AHCTF1: variants seen among roughly 807,000 people sequenced by gnomAD.
AHCTF1 encodes the protein protein ELYS.
Under a neutral mutation model 248.4 loss-of-function variants are expected in AHCTF1, and 24 were observed. The observed-to-expected ratio is 0.10, with a 90% CI of 0.07 to 0.14. The LOEUF (loss-of-function observed/expected upper bound fraction) is 0.14, where lower values mean the gene tolerates loss of function less well. AHCTF1 is among the 10% of genes least tolerant of loss of function. The probability of loss-of-function intolerance (pLI) is 1.00; values close to 1 mark genes in which losing one functional copy is unlikely to be tolerated. For missense variants in AHCTF1, 2,206 were observed against 2,636.2 expected, an observed-to-expected ratio of 0.84 and a Z score of 3.57; for synonymous variants, 786 against 929.8, an observed-to-expected ratio of 0.85 and a Z score of 2.81.
intron 1 of AHCTF1, among the ~76,000 whole-genome samples, chr1:246,922,633 A>C (rs1477498477): frequency 1.3e-4 from 20 of 151,252 alleles, no homozygotes; most frequent in Admixed American, 1.3e-3. Flanking sequence ...GGTTCCAGCA[A>C]TCCTCCTGCC....
chr1:246,843,684 TAAAC>T (rs1000079508), intron 34 of AHCTF1, 107 bp downstream of exon 34: 70 of 925,290 alleles, frequency 7.6e-5, no homozygotes, highest in South Asian at 1.7e-4. Flanking sequence ...ATTTAAATAA[TAAAC>T]AAAATTTAAA....
At position 246,881,017 on chromosome 1, in the gene AHCTF1, A is replaced by T. The variant is rs567251881; in HGVS notation, c.2661-3715T>A. On this transcript the variant is annotated intron_variant, in intron 21 of 35. Coordinates refer to ENST00000648844, the MANE Select transcript of AHCTF1 (RefSeq NM_001323342.2). Reference sequence around the variant, plus strand: ...ACCCATCCTGTGGCAAACTCTCTAAACATGCTAGACCAAATATAAATATGC... The same window carrying T: ...ACCCATCCTGTGGCAAACTCTCTAATCATGCTAGACCAAATATAAATATGC... Among the ~76,000 whole-genome samples the T allele has an allele frequency of 5.3e-5, 8 of 152,356 alleles. No individual in the cohort carries two copies. The East Asian group carries it at 1.5e-3, about 29-fold the overall frequency.
At chr1:246,901,577 T>C (rs1330845875) in intron 8 of AHCTF1, among the ~76,000 whole-genome samples, 1 of 151,970 alleles carries the variant, frequency 6.6e-6, no homozygotes, top group Non-Finnish European at 1.5e-5. Context: ...TGAGCTGAGA[T>C]CGTGCAACTG....
rs980068242 is a variant in AHCTF1 at position 246,861,023 on chromosome 1, C to T, written c.4008G>A (p.Thr1336=). 14 of 1,613,752 alleles carry T rather than the reference C, an allele frequency of 8.7e-6. No individual in the cohort carries two copies. The highest frequency in any genetic ancestry group is 2.7e-5 in the African/African-American group (2 of 74,882). ...TGGAAGAGCTTTTGGGCTTAGAGGC[C>T]GTGAAAACAGTCTCTTCAAGGTCTT... is the stretch of plus-strand genomic sequence containing the variant. ...SPEDLEETVF[T]ASKPKSSSTA... The change falls in exon 29 of 36, where the codon ACG becomes ACA. Residue 1336 remains threonine, a synonymous_variant. Coordinates refer to ENST00000648844, the MANE Select transcript of AHCTF1 (RefSeq NM_001323342.2).
chr1:246,872,306 G>A (rs1005964392), intron 24 of AHCTF1, among the ~76,000 whole-genome samples: 17 of 152,158 alleles, frequency 1.1e-4, no homozygotes, highest in African/African-American at 3.6e-4. Flanking sequence ...GGGGTGGCAC[G>A]CCAGGAAAAG....
chr1:246,888,303 T>G, intron 18 of AHCTF1, 70 bp from the exon 19 acceptor site: 3 of 1,612,318 alleles, frequency 1.9e-6, no homozygotes, highest in Non-Finnish European at 2.5e-6. Flanking sequence ...CTTCTTGTTT[T>G]CCCAAGTTTG....
chr1:246,918,518 A>G (rs1221591684), intron 1 of AHCTF1, 141 bp from the exon 2 acceptor site: 3 of 846,620 alleles, frequency 3.5e-6, no homozygotes, highest in East Asian at 6.1e-5. Flanking sequence ...CATATTGGCC[A>G]GATGCGGAGG....
chr1:246,884,535 TATAAAA>T (rs1295025886), intron 21 of AHCTF1, among the ~76,000 whole-genome samples: 2 of 152,152 alleles, frequency 1.3e-5, no homozygotes, highest in African/African-American at 4.8e-5. Context: ...GTAAAAGTGG[TATAAAA>T]TAAGTCTAGT....
chr1:246,896,218 T>C (rs556031325), intron 12 of AHCTF1, among the ~76,000 whole-genome samples: 2 of 152,036 alleles, frequency 1.3e-5, no homozygotes, highest in African/African-American at 2.4e-5. Context: ...CACACCTAGG[T>C]ATATACCAAA....
intron 5 of AHCTF1, among the ~76,000 whole-genome samples, chr1:246,905,889 G>A (rs1376846780): frequency 6.6e-6 from 1 of 152,190 alleles, no homozygotes; most frequent in Non-Finnish European, 1.5e-5. Context: ...CTCAGATGCA[G>A]TCAAGCGGAT....
intron 21 of AHCTF1, among the ~76,000 whole-genome samples, chr1:246,882,275 G>A (rs1663500610): frequency 6.6e-6 from 1 of 152,154 alleles, no homozygotes; most frequent in African/African-American, 2.4e-5. Flanking sequence ...GGGATTACAG[G>A]CATGAGCCAC....
chr1:246,918,527 G>C (rs999242600), intron 1 of AHCTF1, 150 bp from the exon 2 acceptor site: 1 of 778,602 alleles, frequency 1.3e-6, no homozygotes, highest in African/African-American at 1.8e-5. Context: ...CAGATGCGGA[G>C]GCTCACGCCT....
chr1:246,862,479 C>CAA (rs748209865), intron 27 of AHCTF1, among the ~76,000 whole-genome samples: 3 of 115,868 alleles, frequency 2.6e-5, no homozygotes, highest in Admixed American at 1.8e-4. Flanking sequence ...GACTCCGTCT[C>CAA]AAAAAAAAAA....
intron 1 of AHCTF1, among the ~76,000 whole-genome samples, chr1:246,921,968 C>T (rs1405612163): frequency 6.6e-6 from 1 of 152,202 alleles, no homozygotes; most frequent in African/African-American, 2.4e-5. Flanking sequence ...ATAATAATGG[C>T]TGTGTGGAGT....
At chr1:246,914,855 T>C (rs1234763507) in intron 3 of AHCTF1, among the ~76,000 whole-genome samples, 1 of 152,202 alleles carries the variant, frequency 6.6e-6, no homozygotes, top group Non-Finnish European at 1.5e-5. Flanking sequence ...TCAATGAGTG[T>C]CCATGTTTCC....
At position 246,896,151 on chromosome 1, in the gene AHCTF1, C is replaced by T. The variant is rs558183131; in HGVS notation, c.1624-226G>A. On this transcript the variant is annotated intron_variant, in intron 12 of 35. Coordinates refer to ENST00000648844, the MANE Select transcript of AHCTF1 (RefSeq NM_001323342.2). ...AAAATGGAACAGCCACTCTGCAAAG[C>T]AGTTTGGCGGTTTCTCAGTATGCTA... Among the ~76,000 whole-genome samples, 7 of 152,328 alleles carry T rather than the reference C, an allele frequency of 4.6e-5. No individual in the cohort carries two copies. The South Asian group carries it at 6.2e-4, about 14-fold the overall frequency.
intron 5 of AHCTF1, among the ~76,000 whole-genome samples, 182 bp downstream of exon 5, chr1:246,907,369 A>T (rs986371889): frequency 2.0e-5 from 3 of 152,006 alleles, no homozygotes; most frequent in Middle Eastern, 3.2e-3. Context: ...GTGCTAAGTC[A>T]CTCCTTTATG....
intron 31 of AHCTF1, among the ~76,000 whole-genome samples, chr1:246,853,945 A>C (rs1322276215): frequency 6.6e-6 from 1 of 152,208 alleles, no homozygotes; most frequent in Non-Finnish European, 1.5e-5. Flanking sequence ...AAACCACTTT[A>C]CAGGCTTCTC....
chr1:246,900,673 T>C (rs113330099), intron 8 of AHCTF1, among the ~76,000 whole-genome samples: 9 of 152,212 alleles, frequency 5.9e-5, no homozygotes, highest in African/African-American at 2.2e-4. Flanking sequence ...TAAGGCCTTA[T>C]TAAAAAGTAG....
Sources: gnomAD v4.1 joint callset for allele counts (sites outside exome capture counted in the v4.1 genomes callset) on GRCh38, gnomAD v4.1.1 for gene constraint, MANE v1.5 for transcripts, NCBI Gene and HGNC (gene_info 2026-07-23, HGNC 2026-07-21) for gene names.